The following PRKG1 variants were observed in gnomAD, a reference collection of about 807,000 sequenced individuals.
PRKG1 encodes the protein cGMP-dependent protein kinase 1.
In PRKG1, 35 loss-of-function variants were observed where a neutral mutation model predicts 88.1. The observed-to-expected ratio is 0.40, with a 90% CI of 0.30 to 0.53. The LOEUF is 0.53. PRKG1 is among the 20% of genes least tolerant of loss of function. The pLI, the probability that PRKG1 is intolerant of heterozygous loss-of-function variation, is 0.59. For missense variants in PRKG1, 540 were observed against 839.8 expected, an observed-to-expected ratio of 0.64 and a Z score of 4.41; for synonymous variants, 303 against 292.5, an observed-to-expected ratio of 1.04 and a Z score of -0.37.
chr10:51,938,780 A>G (rs1374956963), intron 5 of PRKG1, among the ~76,000 whole-genome samples: 4 of 151,968 alleles, frequency 2.6e-5, no homozygotes, highest in African/African-American at 7.2e-5. Context: ...CCTTCTAGAT[A>G]TATGACTCTG....
chr10:51,025,799 A>G (rs1386860653), intron 1 of PRKG1, among the ~76,000 whole-genome samples: 1 of 152,208 alleles, frequency 6.6e-6, no homozygotes, highest in Admixed American at 6.5e-5. Flanking sequence ...CTCATAAATT[A>G]GATCTTATCA....
chr10:52,183,683 G>A (rs926523061), intron 9 of PRKG1, among the ~76,000 whole-genome samples: 1 of 152,198 alleles, frequency 6.6e-6, no homozygotes, highest in Non-Finnish European at 1.5e-5. Flanking sequence ...ACCTAGAGGA[G>A]GGCATACTCC....
intron 2 of PRKG1, 123 bp from the exon 3 acceptor site, chr10:51,467,600 C>T: frequency 1.5e-6 from 1 of 680,602 alleles, no homozygotes; most frequent in Non-Finnish European, 2.4e-6. Flanking sequence ...CTCGTGGTGA[C>T]TTTGTTTTAA....
chr10:51,844,401 T>C (rs1490086736), intron 4 of PRKG1, among the ~76,000 whole-genome samples: 1 of 152,168 alleles, frequency 6.6e-6, no homozygotes, highest in African/African-American at 2.4e-5. Flanking sequence ...ATATAATTCA[T>C]AGAACAGTTG....
intron 9 of PRKG1, among the ~76,000 whole-genome samples, chr10:52,224,808 C>CTATATATATAT (rs1840342002): frequency 9.4e-6 from 1 of 106,370 alleles, no homozygotes; most frequent in Non-Finnish European, 1.9e-5. Context: ...AGTATTCCAT[C>CTATATATATAT]ATATATATAT....
In PRKG1 at chr10:52,055,350, T is replaced by C. The variant is rs573822353; in HGVS notation, c.840+789T>C. 2.0e-5 allele frequency among the ~76,000 whole-genome samples: 3 copies of C among 152,324 alleles called. No individual in the cohort carries two copies. The East Asian group carries it at 5.8e-4, about 29-fold the overall frequency. On this transcript the variant is annotated intron_variant, in intron 6 of 17. Transcript: ENST00000373980. ...TATACATTAATGTTTTAAGTTATTT[T>C]CATAAAGAAATATTGATAGTAAAAA...
At chr10:51,955,671 C>A (rs1843286197) in intron 5 of PRKG1, among the ~76,000 whole-genome samples, 1 of 152,096 alleles carries the variant, frequency 6.6e-6, no homozygotes, top group Admixed American at 6.6e-5. Flanking sequence ...TAGTCCAATA[C>A]AATCTTTTCT....
intron 4 of PRKG1, among the ~76,000 whole-genome samples, chr10:51,808,284 A>G (rs761646173): frequency 2.0e-5 from 3 of 151,866 alleles, no homozygotes; most frequent in Non-Finnish European, 2.9e-5. Context: ...TTTTTTCTTT[A>G]TGACTTTATC....
In PRKG1 at chr10:51,965,276, A is replaced by G. The variant is rs554348608; in HGVS notation, c.762+57706A>G. On this transcript the variant is annotated intron_variant, in intron 5 of 17. Coordinates refer to ENST00000373980, the MANE Select transcript of PRKG1 (RefSeq NM_006258.4). ...ATGCCCCAGTTGTGTGTAGTTCCTC[A>G]CTATGTGTCCATGTGTTCTCATGAT... 5.9e-5 allele frequency among the ~76,000 whole-genome samples: 9 copies of G among 152,150 alleles called. No homozygotes were observed. In the East Asian group the frequency reaches 1.5e-3, roughly 26 times the overall value.
intron 2 of PRKG1, among the ~76,000 whole-genome samples, chr10:51,351,746 A>G (rs1356766913): frequency 6.6e-6 from 1 of 152,096 alleles, no homozygotes; most frequent in Non-Finnish European, 1.5e-5. Flanking sequence ...CTTTAGTTTA[A>G]TTAGATCCCA....
chr10:52,269,691 C>T (rs1841666848), intron 10 of PRKG1, among the ~76,000 whole-genome samples: 1 of 152,104 alleles, frequency 6.6e-6, no homozygotes, highest in African/African-American at 2.4e-5. Flanking sequence ...TACATTACTC[C>T]CAAATAATAT....
At chr10:51,405,705 C>G (rs1250017154) in intron 2 of PRKG1, among the ~76,000 whole-genome samples, 1 of 152,082 alleles carries the variant, frequency 6.6e-6, no homozygotes, top group African/African-American at 2.4e-5. Flanking sequence ...CTTTTCTGGT[C>G]CTGTGTTTTG....
At chr10:51,833,421 CACA>C (rs917320490) in intron 4 of PRKG1, among the ~76,000 whole-genome samples, 6 of 152,162 alleles carry the variant, frequency 3.9e-5, no homozygotes, top group African/African-American at 1.2e-4. Flanking sequence ...TCTAATTTTT[CACA>C]ACAATGCTGA....
chr10:52,024,191 C>T (rs1376104041), intron 5 of PRKG1, among the ~76,000 whole-genome samples: 1 of 152,122 alleles, frequency 6.6e-6, no homozygotes, highest in Non-Finnish European at 1.5e-5. Context: ...GAATCAATAT[C>T]ATGAAATGGC....
intron 2 of PRKG1, among the ~76,000 whole-genome samples, chr10:51,371,394 AC>A (rs1842703707): frequency 6.6e-6 from 1 of 152,006 alleles, no homozygotes. Context: ...AGAAAAAAAA[AC>A]ATGAGGACAA....
intron 4 of PRKG1, among the ~76,000 whole-genome samples, chr10:51,815,021 G>A (rs1474824406): frequency 6.6e-6 from 1 of 152,104 alleles, no homozygotes; most frequent in Non-Finnish European, 1.5e-5. Flanking sequence ...CCTCAGCTAA[G>A]GGACTTAATA....
At chr10:51,749,625 G>T (rs1201113360) in intron 3 of PRKG1, among the ~76,000 whole-genome samples, 1 of 152,154 alleles carries the variant, frequency 6.6e-6, no homozygotes, top group Non-Finnish European at 1.5e-5. Context: ...GGGTAAAATT[G>T]TCCTCAGCAA....
At chr10:51,497,281 C>G (rs949185425) in intron 3 of PRKG1, among the ~76,000 whole-genome samples, 1 of 152,064 alleles carries the variant, frequency 6.6e-6, no homozygotes, top group Non-Finnish European at 1.5e-5. Flanking sequence ...GATTTTCTTT[C>G]TTAACAGTCC....
intron 1 of PRKG1, among the ~76,000 whole-genome samples, chr10:51,011,002 G>A (rs1842987474): frequency 6.6e-6 from 1 of 152,190 alleles, no homozygotes; most frequent in Non-Finnish European, 1.5e-5. Flanking sequence ...TGAAGGCACA[G>A]GGGTTGAAGG....
Sources: gnomAD v4.1 joint callset for allele counts (sites outside exome capture counted in the v4.1 genomes callset) on GRCh38, gnomAD v4.1.1 for gene constraint, MANE v1.5 for transcripts, NCBI Gene and HGNC (gene_info 2026-07-23, HGNC 2026-07-21) for gene names.